Variants in ATG7 observed in about 807,000 individuals in gnomAD.
ATG7 encodes autophagy related 7.
Under a neutral mutation model 82.4 loss-of-function variants are expected in ATG7, and 70 were observed. That is an observed-to-expected ratio of 0.85 (90% confidence interval 0.70 to 1.04). The LOEUF (loss-of-function observed/expected upper bound fraction) is 1.04, where lower values mean the gene tolerates loss of function less well. Ranked by LOEUF, ATG7 falls within the 50% of genes least tolerant of loss-of-function variation. The probability of loss-of-function intolerance (pLI) is 0.00; values close to 1 mark genes in which losing one functional copy is unlikely to be tolerated. For missense variants in ATG7, 792 were observed against 864.3 expected (o/e 0.92, Z 1.05); for synonymous variants, 287 against 313.0 (o/e 0.92, Z 0.88).
At chr3:11,306,915 T>G (rs775253254) in intron 5 of ATG7, 28 bp from the exon 6 acceptor site, 1 of 1,590,430 alleles carries the variant, frequency 6.3e-7, no homozygotes, top group Admixed American at 1.7e-5. Flanking sequence ...CAGCTGTGCC[T>G]GACTAACCGT....
intron 14 of ATG7, among the ~76,000 whole-genome samples, chr3:11,351,205 G>A (rs1222379606): frequency 1.3e-5 from 2 of 152,186 alleles, no homozygotes; most frequent in Non-Finnish European, 2.9e-5. Context: ...AGACAGACAT[G>A]TGGAGCTTAA....
intron 20 of ATG7, among the ~76,000 whole-genome samples, chr3:11,453,237 C>T (rs1261595625): frequency 6.6e-6 from 1 of 152,232 alleles, no homozygotes; most frequent in East Asian, 1.9e-4. Context: ...GGTCTGAGCA[C>T]TGAATGTCCT....
chr3:11,301,081 CAG>C (rs747277370), intron 5 of ATG7, among the ~76,000 whole-genome samples: 18 of 152,082 alleles, frequency 1.2e-4, no homozygotes, highest in Non-Finnish European at 1.9e-4. Flanking sequence ...GCGAAGGACA[CAG>C]GGGTTGTCAG....
chr3:11,450,254 C>T (rs1290086383), intron 20 of ATG7, among the ~76,000 whole-genome samples: 2 of 152,226 alleles, frequency 1.3e-5, no homozygotes, highest in African/African-American at 4.8e-5. Context: ...GCTCCAGAGC[C>T]TGTGTTCTTA....
At chr3:11,547,713 C>G (rs11712372) in intron 20 of ATG7, among the ~76,000 whole-genome samples, 5 of 152,318 alleles carry the variant, frequency 3.3e-5, no homozygotes, top group Admixed American at 6.5e-5. Context: ...TGCAGCCATC[C>G]TAGTGGGTGT....
chr3:11,507,606 G>A (rs1432817109), intron 20 of ATG7, among the ~76,000 whole-genome samples: 4 of 152,168 alleles, frequency 2.6e-5, no homozygotes, highest in Non-Finnish European at 4.4e-5. Context: ...CATTATAAGT[G>A]AAGGAAATGC....
At position 11,472,392 on chromosome 3, in the gene ATG7, C is replaced by T. The variant is rs1023209483; in HGVS notation, c.2079+45466C>T. 9.9e-5 allele frequency among the ~76,000 whole-genome samples: 15 copies of T among 152,180 alleles called. 1 individual carries two copies. The highest frequency in any genetic ancestry group is 7.2e-4 in the Admixed American group (11 of 15,302). On this transcript the variant is annotated intron_variant, in intron 20 of 20. Coordinates refer to ENST00000693202, the MANE Select transcript of ATG7 (RefSeq NM_001349232.2). ...TGTTCCCAATGGCACTAGCTAATGTCCTGCTTGACTCATCCACCAGTGACC... is the reference window on the plus strand; with the variant it reads ...TGTTCCCAATGGCACTAGCTAATGTTCTGCTTGACTCATCCACCAGTGACC...
intron 20 of ATG7, among the ~76,000 whole-genome samples, chr3:11,538,283 A>G (rs560682330): frequency 6.6e-6 from 1 of 152,308 alleles, no homozygotes; most frequent in East Asian, 1.9e-4. Context: ...TTCTGAGGCC[A>G]GCACAGACTC....
At chr3:11,298,986 T>C in intron 4 of ATG7, 131 bp downstream of exon 4, 7 of 1,030,462 alleles carry the variant, frequency 6.8e-6, no homozygotes, top group Non-Finnish European at 9.8e-6. Flanking sequence ...GTTTCTATTT[T>C]ACTTCCTGAC....
At chr3:11,538,630 C>T (rs980358203) in intron 20 of ATG7, among the ~76,000 whole-genome samples, 7 of 130,394 alleles carry the variant, frequency 5.4e-5, no homozygotes, top group Non-Finnish European at 9.2e-5. Flanking sequence ...GTTGCTGAAG[C>T]CCAGGAGTTC....
rs556082371 is a variant in ATG7 at position 11,336,613 on chromosome 3, A to G, written c.889+3520A>G. On this transcript the variant is annotated intron_variant, in intron 11 of 20. Coordinates refer to ENST00000693202, the MANE Select transcript of ATG7 (RefSeq NM_001349232.2). ...TATGGTTGTACTTTTCAATACTTCT[A>G]AGACATCCCATAGTTGCCATGGTAA... Among the ~76,000 whole-genome samples, 26 of 152,312 alleles carry G rather than the reference A, an allele frequency of 1.7e-4. 1 individual carries two copies. In the South Asian group the frequency reaches 5.2e-3, roughly 30 times the overall value.
intron 20 of ATG7, among the ~76,000 whole-genome samples, chr3:11,534,635 G>A (rs970482093): frequency 6.6e-6 from 1 of 152,250 alleles, no homozygotes; most frequent in Non-Finnish European, 1.5e-5. Context: ...GCTGCCACAC[G>A]CCGTCTGTTA....
At chr3:11,336,079 G>T (rs558358689) in intron 11 of ATG7, among the ~76,000 whole-genome samples, 1 of 127,390 alleles carries the variant, frequency 7.8e-6, no homozygotes, top group Non-Finnish European at 1.6e-5. Flanking sequence ...TCGCTCTGTT[G>T]CCCAGACTGG....
At chr3:11,398,007 C>T (rs941540324) in intron 19 of ATG7, among the ~76,000 whole-genome samples, 3 of 151,044 alleles carry the variant, frequency 2.0e-5, no homozygotes, top group Admixed American at 2.0e-4. Context: ...TTGCTGGAAC[C>T]TGGGAGGTGG....
intron 20 of ATG7, among the ~76,000 whole-genome samples, chr3:11,532,220 G>C (rs746260923): frequency 1.3e-5 from 2 of 152,178 alleles, no homozygotes; most frequent in Non-Finnish European, 2.9e-5. Context: ...AGCATTTATT[G>C]ATGCAATGCA....
chr3:11,563,626 G>A, the ATG7 span, among the ~76,000 whole-genome samples: 1 of 152,204 alleles, frequency 6.6e-6, no homozygotes, highest in African/African-American at 2.4e-5. Context: ...GAACAGCAGT[G>A]ATAACTTGGC....
intron 20 of ATG7, among the ~76,000 whole-genome samples, chr3:11,441,115 G>A (rs1559630437): frequency 1.3e-5 from 2 of 152,106 alleles, no homozygotes; most frequent in African/African-American, 4.8e-5. Flanking sequence ...GGATATTTTT[G>A]TTTTGTTATA....
At chr3:11,343,575 T>C (rs1559435509) in intron 13 of ATG7, among the ~76,000 whole-genome samples, 2 of 152,164 alleles carry the variant, frequency 1.3e-5, no homozygotes, top group Non-Finnish European at 2.9e-5. Flanking sequence ...TTCAGCTTTA[T>C]GTTATTATAT....
intron 20 of ATG7, among the ~76,000 whole-genome samples, chr3:11,501,692 T>A (rs1269562455): frequency 1.3e-5 from 2 of 152,120 alleles, no homozygotes; most frequent in African/African-American, 4.8e-5. Flanking sequence ...ATGTCTGCAA[T>A]ATACTTTTTA....
Sources: gnomAD v4.1 joint callset for allele counts (sites outside exome capture counted in the v4.1 genomes callset) on GRCh38, gnomAD v4.1.1 for gene constraint, MANE v1.5 for transcripts, NCBI Gene and HGNC (gene_info 2026-07-23, HGNC 2026-07-21) for gene names.